The following MTMR7 variants were observed in gnomAD, a reference collection of about 807,000 sequenced individuals.
MTMR7 encodes the protein phosphatidylinositol-3-phosphate phosphatase MTMR7.
In MTMR7, 76 loss-of-function variants were observed where a neutral mutation model predicts 81.2. The observed-to-expected ratio is 0.94, with a 90% CI of 0.78 to 1.13. MTMR7 has a LOEUF of 1.13. MTMR7 is among the 50% of genes most tolerant of loss of function. The pLI, the probability that MTMR7 is intolerant of heterozygous loss-of-function variation, is 0.00. For synonymous variants in MTMR7, 372 were observed against 289.8 expected (o/e 1.28, Z -2.88); for missense variants, 1,044 against 820.0 (o/e 1.27, Z -3.34).
In MTMR7 at chr8:17,299,669, TAAATG is replaced by T. The variant is rs1291196722; in HGVS notation, c.*188_*192del. On this transcript the variant is annotated 3_prime_UTR_variant, in exon 14 of 14. Transcript: ENST00000180173. ...GGTGAATAATTTTCCTTATATTTGA[TAAATG>T]AAATGACTACGTCCTCTTCAGTATC... The T allele has an allele frequency of 5.8e-6, 4 of 688,366 alleles. No homozygotes were observed. The highest frequency in any genetic ancestry group is 4.3e-5 in the South Asian group (2 of 46,106). The allele number at this position is 688,366 out of a possible 1,614,324, so 42.6% of individuals were successfully genotyped here.
At chr8:17,318,921 G>A (rs1395297763) in intron 7 of MTMR7, among the ~76,000 whole-genome samples, 2 of 152,136 alleles carry the variant, frequency 1.3e-5, no homozygotes, top group Non-Finnish European at 1.5e-5. Flanking sequence ...CATCTCCAAC[G>A]TCTCCTGAAA....
At chr8:17,341,744 G>C (rs1233109456) in intron 5 of MTMR7, among the ~76,000 whole-genome samples, 1 of 152,168 alleles carries the variant, frequency 6.6e-6, no homozygotes, top group African/African-American at 2.4e-5. Flanking sequence ...TGTTTAGATA[G>C]GGTCTAAGTT....
chr8:17,411,350 C>G lies in MTMR7; in HGVS notation c.24+1919G>C, dbSNP rs192180209. On this transcript the variant is annotated intron_variant, in intron 1 of 13. Transcript: ENST00000180173. ...CTTGACCTTGAGGGCAGAGCTGATC[C>G]TCTCTTCAGTCTCCCTCTCTACCCA... is the stretch of plus-strand genomic sequence containing the variant. Among the ~76,000 whole-genome samples, 60 of 152,262 alleles carry G rather than the reference C, an allele frequency of 3.9e-4. No individual in the cohort carries two copies. In the East Asian group the frequency reaches 0.011, roughly 27 times the overall value.
intron 1 of MTMR7, among the ~76,000 whole-genome samples, chr8:17,388,928 C>A (rs1324839246): frequency 6.6e-6 from 1 of 152,240 alleles, no homozygotes; most frequent in East Asian, 1.9e-4. Flanking sequence ...TTTTCTCTTT[C>A]TCCTCTTACA....
chr8:17,301,331 G>C (rs910962650), intron 13 of MTMR7, among the ~76,000 whole-genome samples: 1 of 152,184 alleles, frequency 6.6e-6, no homozygotes, highest in African/African-American at 2.4e-5. Flanking sequence ...GTAAGTTTCA[G>C]GGAGGAAGGA....
chr8:17,312,195 G>C (rs888960825), intron 8 of MTMR7, among the ~76,000 whole-genome samples: 6 of 152,034 alleles, frequency 3.9e-5, no homozygotes, highest in African/African-American at 1.5e-4. Flanking sequence ...TAAATATCTT[G>C]GCAGTTAACA....
At chr8:17,406,242 G>C (rs1821578819) in intron 1 of MTMR7, among the ~76,000 whole-genome samples, 1 of 152,138 alleles carries the variant, frequency 6.6e-6, no homozygotes, top group Non-Finnish European at 1.5e-5. Flanking sequence ...ACATTTACAA[G>C]TCATATAACT....
At chr8:17,396,615 C>T (rs10099554) in intron 1 of MTMR7, among the ~76,000 whole-genome samples, 6,886 of 152,180 alleles carry the variant, frequency 0.045, 295 homozygotes, top group African/African-American at 0.11. Flanking sequence ...GGCTAAAGTG[C>T]TCCCAGGTCC....
Position 17,349,073 on chromosome 8 carries a change from G to A in MTMR7, c.477C>T (p.Asp159=). The change falls in exon 5 of 14, where the codon GAC becomes GAT. Residue 159 remains aspartate (D), a synonymous_variant. Coordinates refer to ENST00000180173, the MANE Select transcript of MTMR7 (RefSeq NM_004686.5). ...GAACGTACAGTTCAGTAGGATAAGA[G>A]TCACAGACCTGTCACCAGAAAATAC... ...SDVNRDYRVC[D]SYPTELYVPK... The A allele has an allele frequency of 6.2e-7, 1 of 1,611,544 alleles. No homozygotes were observed. Among genetic ancestry groups the A allele is most frequent in the Non-Finnish European group, 8.5e-7 (1 of 1,179,530 alleles).
At chr8:17,354,444 G>C (rs1819824836) in intron 4 of MTMR7, among the ~76,000 whole-genome samples, 1 of 151,976 alleles carries the variant, frequency 6.6e-6, no homozygotes, top group Non-Finnish European at 1.5e-5. Flanking sequence ...CAAGGGTTAG[G>C]TAAAAAAAGA....
intron 8 of MTMR7, among the ~76,000 whole-genome samples, chr8:17,312,911 C>T (rs1475672863): frequency 7.9e-5 from 12 of 152,182 alleles, no homozygotes; most frequent in Non-Finnish European, 1.6e-4. Context: ...CTTCCAGCTA[C>T]AGGAACATGA....
intron 1 of MTMR7, among the ~76,000 whole-genome samples, chr8:17,391,057 G>A (rs1320855204): frequency 6.6e-6 from 1 of 152,210 alleles, no homozygotes; most frequent in Non-Finnish European, 1.5e-5. Flanking sequence ...TCTGGGGAGA[G>A]CATTCCAGGC....
At chr8:17,413,117 G>T in intron 1 of MTMR7, 152 bp downstream of exon 1, 1 of 862,366 alleles carries the variant, frequency 1.2e-6, no homozygotes, top group South Asian at 1.5e-5. Context: ...CAGGCACCCC[G>T]GGATGCTCAG....
At chr8:17,352,605 C>T (rs1401099716) in intron 4 of MTMR7, among the ~76,000 whole-genome samples, 2 of 152,042 alleles carry the variant, frequency 1.3e-5, no homozygotes, top group East Asian at 1.9e-4. Context: ...ACAAATGGAA[C>T]CATATCAAAC....
chr8:17,310,390 A>G (rs1232603215), intron 9 of MTMR7, among the ~76,000 whole-genome samples: 1 of 152,186 alleles, frequency 6.6e-6, no homozygotes, highest in Non-Finnish European at 1.5e-5. Context: ...CCCCTTACAA[A>G]GAAATATGAA....
intron 7 of MTMR7, among the ~76,000 whole-genome samples, chr8:17,320,533 G>A (rs775816744): frequency 1.4e-4 from 21 of 152,166 alleles, no homozygotes; most frequent in Admixed American, 2.0e-4. Context: ...ACATACAGAA[G>A]CTGATGATCT....
chr8:17,337,352 A>G (rs1330498296), intron 6 of MTMR7, among the ~76,000 whole-genome samples: 1 of 145,508 alleles, frequency 6.9e-6, no homozygotes, highest in Non-Finnish European at 1.5e-5. Flanking sequence ...GGGCGAGTAA[A>G]ACTCCGTCCC....
chr8:17,363,665 G>C (rs1820124682), intron 3 of MTMR7, among the ~76,000 whole-genome samples: 1 of 152,008 alleles, frequency 6.6e-6, no homozygotes, highest in Non-Finnish European at 1.5e-5. Context: ...TTGTACACGA[G>C]GGCCAGGAAA....
chr8:17,402,742 G>C (rs1426700849), intron 1 of MTMR7, among the ~76,000 whole-genome samples: 1 of 152,048 alleles, frequency 6.6e-6, no homozygotes, highest in Non-Finnish European at 1.5e-5. Flanking sequence ...GGTATCTCTT[G>C]GACATACTCA....
Sources: allele counts gnomAD v4.1 joint callset (sites outside exome capture counted in the v4.1 genomes callset), GRCh38; gene constraint gnomAD v4.1.1; transcripts MANE v1.5; gene names NCBI Gene and HGNC (gene_info 2026-07-23, HGNC 2026-07-21).